Variants in OPCML observed in about 807,000 individuals in gnomAD.
OPCML encodes the protein opioid-binding protein/cell adhesion molecule.
A neutral mutation model predicts 37.8 loss-of-function variants in OPCML; 13 were observed. The observed-to-expected ratio is 0.34, with a 90% CI of 0.22 to 0.55. The LOEUF (loss-of-function observed/expected upper bound fraction) is 0.55, where lower values mean the gene tolerates loss of function less well. Ranked by LOEUF, OPCML falls within the 20% of genes least tolerant of loss-of-function variation. OPCML has a pLI of 0.91. For synonymous variants in OPCML, 176 were observed against 168.8 expected (o/e 1.04, Z -0.33); for missense variants, 341 against 435.6 (o/e 0.78, Z 1.93).
chr11:132,755,274 T>G (rs1945997453), intron 2 of OPCML, among the ~76,000 whole-genome samples: 1 of 152,212 alleles, frequency 6.6e-6, no homozygotes, highest in Non-Finnish European at 1.5e-5. Flanking sequence ...CTATGGCATC[T>G]CTTTCATAAA....
chr11:133,458,777 A>ATATACACATAGATGCACGTGTGTGTG (rs1946782664), intron 1 of OPCML, among the ~76,000 whole-genome samples: 1 of 131,434 alleles, frequency 7.6e-6, no homozygotes, highest in Non-Finnish European at 1.5e-5. Context: ...ACGTGTGTGT[A>ATATACACATAGATGCACGTGTGTGTG]TATACACATA....
chr11:132,688,704 G>C (rs1166800933), intron 2 of OPCML, among the ~76,000 whole-genome samples: 1 of 34,856 alleles, frequency 2.9e-5, no homozygotes, highest in Non-Finnish European at 5.9e-5. Context: ...AATAGATTGG[G>C]AGGCCGAGGC....
intron 3 of OPCML, among the ~76,000 whole-genome samples, chr11:132,654,761 CTCCCCAAGAGAACATCA>C (rs1474331701): frequency 2.0e-5 from 3 of 151,854 alleles, no homozygotes; most frequent in East Asian, 1.9e-4. Flanking sequence ...AGATAAGCTC[CTCCCCAAGAGAACATCA>C]TCCCCAAGAG....
At chr11:133,242,452 G>A (rs951263487) in intron 1 of OPCML, among the ~76,000 whole-genome samples, 2 of 152,266 alleles carry the variant, frequency 1.3e-5, no homozygotes, top group South Asian at 2.1e-4. Flanking sequence ...AGAGGTAGGA[G>A]TCTGAGATCC....
chr11:132,456,976 G>C (rs754599389), intron 4 of OPCML, among the ~76,000 whole-genome samples: 1 of 152,188 alleles, frequency 6.6e-6, no homozygotes, highest in Non-Finnish European at 1.5e-5. Context: ...TGATGAAGAT[G>C]ATGACAATAG....
At chr11:133,483,674 T>TA (rs1350408672) in intron 1 of OPCML, among the ~76,000 whole-genome samples, 13 of 146,020 alleles carry the variant, frequency 8.9e-5, no homozygotes, top group Admixed American at 3.4e-4. Flanking sequence ...GATAAATAGA[T>TA]GATAGATAGA....
chr11:132,978,550 C>T (rs1946513555), intron 1 of OPCML, among the ~76,000 whole-genome samples: 1 of 152,070 alleles, frequency 6.6e-6, no homozygotes, highest in Non-Finnish European at 1.5e-5. Context: ...TGAATGGCTA[C>T]CCCGGGGGTC....
chr11:132,483,380 AG>A (rs1264067654), intron 4 of OPCML, among the ~76,000 whole-genome samples: 2 of 152,110 alleles, frequency 1.3e-5, no homozygotes, highest in African/African-American at 4.8e-5. Context: ...GACCTCTTCA[AG>A]GAGAACTACA....
At chr11:133,352,536 T>C (rs995805368) in intron 1 of OPCML, among the ~76,000 whole-genome samples, 8 of 152,244 alleles carry the variant, frequency 5.3e-5, no homozygotes, top group Admixed American at 2.0e-4. Context: ...TTTTGCATTA[T>C]TATGTCTTTC....
intron 2 of OPCML, among the ~76,000 whole-genome samples, chr11:132,923,755 A>ATTTTTTTTTTTTTTTTTTTTTTTTTTTTT (rs71038509): frequency 1.1e-5 from 1 of 92,066 alleles, no homozygotes; most frequent in African/African-American, 4.5e-5. Context: ...AGTTACTTGA[A>ATTTTTTTTTTTTTTTTTTTTTTTTTTTTT]TTTTTTTTTT....
chr11:133,004,846 C>G, intron 1 of OPCML: 1 of 985,408 alleles, frequency 1.0e-6, no homozygotes, highest in South Asian at 4.7e-5. Flanking sequence ...GTTCAAACAC[C>G]ATCCCCAAGA....
At chr11:132,598,200 C>G (rs530458170) in intron 3 of OPCML, among the ~76,000 whole-genome samples, 2 of 152,302 alleles carry the variant, frequency 1.3e-5, no homozygotes, top group African/African-American at 4.8e-5. Context: ...TAGCTCTCTT[C>G]CATCCCCGTA....
At chr11:132,497,639 C>T (rs760952213) in intron 4 of OPCML, among the ~76,000 whole-genome samples, 2 of 151,974 alleles carry the variant, frequency 1.3e-5, no homozygotes, top group Non-Finnish European at 2.9e-5. Context: ...CAATACCATG[C>T]CCTGAAGTGG....
At chr11:133,086,692 C>T (rs1347632657) in intron 1 of OPCML, among the ~76,000 whole-genome samples, 1 of 152,180 alleles carries the variant, frequency 6.6e-6, no homozygotes, top group Non-Finnish European at 1.5e-5. Context: ...CCAGAAGCTG[C>T]TCATATTGGA....
At chr11:132,729,256 C>T (rs1390139100) in intron 2 of OPCML, among the ~76,000 whole-genome samples, 2 of 152,140 alleles carry the variant, frequency 1.3e-5, no homozygotes, top group South Asian at 2.1e-4. Flanking sequence ...AAGCAAGATA[C>T]ATTGTACATA....
At chr11:133,325,216 G>A (rs1209175075) in intron 1 of OPCML, among the ~76,000 whole-genome samples, 1 of 152,232 alleles carries the variant, frequency 6.6e-6, no homozygotes, top group Non-Finnish European at 1.5e-5. Context: ...CAGACGTGCT[G>A]TATTCTGATA....
At chr11:133,466,495 G>A (rs941324030) in intron 1 of OPCML, among the ~76,000 whole-genome samples, 1 of 152,152 alleles carries the variant, frequency 6.6e-6, no homozygotes, top group Non-Finnish European at 1.5e-5. Flanking sequence ...ACAGGTTCAG[G>A]AGGCCAGGAA....
chr11:132,835,607 C>T (rs777142791), intron 2 of OPCML, among the ~76,000 whole-genome samples: 2 of 152,172 alleles, frequency 1.3e-5, no homozygotes, highest in Non-Finnish European at 2.9e-5. Flanking sequence ...TGTCTCTACC[C>T]CCAACTTACA....
At chr11:132,604,987 T>C (rs1254661603) in intron 3 of OPCML, among the ~76,000 whole-genome samples, 1 of 152,142 alleles carries the variant, frequency 6.6e-6, no homozygotes, top group Admixed American at 6.5e-5. Context: ...AAATAAATTT[T>C]AGTAAAAATT....
Sources: gnomAD v4.1 joint callset for allele counts (sites outside exome capture counted in the v4.1 genomes callset) on GRCh38, gnomAD v4.1.1 for gene constraint, MANE v1.5 for transcripts, NCBI Gene and HGNC (gene_info 2026-07-23, HGNC 2026-07-21) for gene names.